Variants in PTPRD observed in about 807,000 individuals in gnomAD.
PTPRD encodes protein tyrosine phosphatase receptor type D, also known as receptor-type tyrosine-protein phosphatase delta.
Under a neutral mutation model 214.5 loss-of-function variants are expected in PTPRD, and 34 were observed. That is an observed-to-expected ratio of 0.16 (90% CI 0.12 to 0.21). The LOEUF (loss-of-function observed/expected upper bound fraction) is 0.21. PTPRD is among the 10% of genes least tolerant of loss of function. The pLI, the probability that PTPRD is intolerant of heterozygous loss-of-function variation, is 1.00. For synonymous variants in PTPRD, 1,128 were observed against 845.7 expected (o/e 1.33, Z -5.79); for missense variants, 2,545 against 2,398.7 (o/e 1.06, Z -1.27).
intron 3 of PTPRD, among the ~76,000 whole-genome samples, chr9:10,229,365 G>A (rs542539672): frequency 4.6e-5 from 7 of 151,950 alleles, no homozygotes; most frequent in South Asian, 2.1e-4. Context: ...TATACCCAAA[G>A]GACTATAAAT....
chr9:9,935,925 A>C (rs868654748), intron 5 of PTPRD, among the ~76,000 whole-genome samples: 1 of 150,992 alleles, frequency 6.6e-6, no homozygotes, highest in Non-Finnish European at 1.5e-5. Context: ...ATAATGCTGC[A>C]TATCTACAAC....
chr9:10,268,078 G>C (rs1284744081), intron 3 of PTPRD, among the ~76,000 whole-genome samples: 1 of 149,374 alleles, frequency 6.7e-6, no homozygotes, highest in Non-Finnish European at 1.5e-5. Flanking sequence ...AGGAGTTCAA[G>C]ACCAACCTAA....
intron 9 of PTPRD, among the ~76,000 whole-genome samples, chr9:9,257,512 C>G (rs2099978247): frequency 1.3e-5 from 2 of 151,796 alleles, no homozygotes; most frequent in South Asian, 4.2e-4. Context: ...TAAAAATTGG[C>G]CAAGGATGGG....
chr9:10,164,013 G>A (rs2099144159), intron 3 of PTPRD, among the ~76,000 whole-genome samples: 1 of 151,318 alleles, frequency 6.6e-6, no homozygotes, highest in Non-Finnish European at 1.5e-5. Context: ...CCTAGACCCA[G>A]AATTCAAAAA....
intron 15 of PTPRD, among the ~76,000 whole-genome samples, chr9:8,527,754 C>T (rs1442699355): frequency 6.6e-6 from 1 of 152,046 alleles, no homozygotes; most frequent in East Asian, 1.9e-4. Context: ...TCTAAGAGAG[C>T]AAAGGCATAA....
intron 5 of PTPRD, among the ~76,000 whole-genome samples, chr9:9,900,658 G>T (rs541864337): frequency 4.7e-5 from 4 of 84,830 alleles, no homozygotes; most frequent in African/African-American, 3.6e-4. Context: ...TTTTTTTTGA[G>T]ATGGAGTCTT....
At chr9:8,631,931 T>A in intron 14 of PTPRD, among the ~76,000 whole-genome samples, 1 of 151,952 alleles carries the variant, frequency 6.6e-6, no homozygotes, top group East Asian at 1.9e-4. Flanking sequence ...TAGCTTGTCA[T>A]AACAGCCAGA....
chr9:8,922,021 G>C lies in PTPRD; in HGVS notation c.-104+96676C>G, dbSNP rs72706223. Among the ~76,000 whole-genome samples the C allele has an allele frequency of 2.4e-3, 367 of 151,944 alleles. 3 individuals carry two copies. Among genetic ancestry groups the C allele is most frequent in the Non-Finnish European group, 4.5e-3 (304 of 67,918 alleles). ...CCCAGTCTCTCTTCACAAAGGAGAA[G>C]TTATTACGCTAGTGAGAAGGGATTA... On this transcript the variant is annotated intron_variant, in intron 11 of 45. Coordinates refer to ENST00000381196, the MANE Select transcript of PTPRD (RefSeq NM_002839.4).
intron 8 of PTPRD, among the ~76,000 whole-genome samples, chr9:9,423,361 C>T (rs1285626839): frequency 1.3e-5 from 2 of 152,118 alleles, no homozygotes; most frequent in Non-Finnish European, 2.9e-5. Context: ...AAAAGGCAGC[C>T]TTCTGCAATC....
intron 3 of PTPRD, among the ~76,000 whole-genome samples, chr9:10,218,297 T>C (rs1007889247): frequency 4.6e-5 from 7 of 151,970 alleles, no homozygotes; most frequent in Admixed American, 3.3e-4. Flanking sequence ...GTTTTCTCTG[T>C]ATCTATCTCA....
At chr9:10,169,526 A>G (rs564343439) in intron 3 of PTPRD, among the ~76,000 whole-genome samples, 2 of 151,446 alleles carry the variant, frequency 1.3e-5, no homozygotes, top group African/African-American at 4.8e-5. Context: ...TTGTAATGAC[A>G]GAGAACTGAG....
chr9:10,159,946 T>C (rs747805476), intron 3 of PTPRD, among the ~76,000 whole-genome samples: 16 of 152,056 alleles, frequency 1.1e-4, no homozygotes, highest in Admixed American at 2.0e-4. Context: ...CTTCCCTTCA[T>C]TCACAAAAAC....
At chr9:8,846,951 C>T (rs1001152477) in intron 11 of PTPRD, among the ~76,000 whole-genome samples, 1 of 152,106 alleles carries the variant, frequency 6.6e-6, no homozygotes, top group South Asian at 2.1e-4. Context: ...ACAGAAGCAA[C>T]TACGGTGAGG....
chr9:9,990,015 T>G (rs953736561), intron 4 of PTPRD, among the ~76,000 whole-genome samples: 2 of 152,188 alleles, frequency 1.3e-5, no homozygotes, highest in African/African-American at 2.4e-5. Flanking sequence ...CTCCCAGGAT[T>G]CATCAGATGT....
At chr9:8,945,618 G>A (rs1394988853) in intron 11 of PTPRD, among the ~76,000 whole-genome samples, 1 of 151,906 alleles carries the variant, frequency 6.6e-6, no homozygotes, top group Non-Finnish European at 1.5e-5. Context: ...TCAGATTCAT[G>A]CTCTACACCC....
intron 2 of PTPRD, among the ~76,000 whole-genome samples, chr9:10,528,989 G>A (rs75347205): frequency 0.029 from 4,469 of 152,016 alleles, 104 homozygotes; most frequent in East Asian, 0.098. Context: ...TAGATGTGCC[G>A]GAAAAATTTA....
chr9:10,222,496 A>G (rs1250270438), intron 3 of PTPRD, among the ~76,000 whole-genome samples: 2 of 152,130 alleles, frequency 1.3e-5, no homozygotes, highest in Admixed American at 1.3e-4. Context: ...GCTGGCTGTC[A>G]AGCCATATTA....
chr9:8,948,125 T>G (rs572620254), intron 11 of PTPRD, among the ~76,000 whole-genome samples: 1 of 151,058 alleles, frequency 6.6e-6, no homozygotes, highest in East Asian at 2.0e-4. Flanking sequence ...GTTCGAGCGA[T>G]TCTCCTGCCT....
chr9:9,858,443 G>T (rs1397045700), intron 5 of PTPRD, among the ~76,000 whole-genome samples: 1 of 152,146 alleles, frequency 6.6e-6, no homozygotes, highest in East Asian at 1.9e-4. Flanking sequence ...ACAAATATTT[G>T]GGATAGCATT....
Sources: gnomAD v4.1 joint callset for allele counts (sites outside exome capture counted in the v4.1 genomes callset) on GRCh38, gnomAD v4.1.1 for gene constraint, MANE v1.5 for transcripts, NCBI Gene and HGNC (gene_info 2026-07-23, HGNC 2026-07-21) for gene names.